Variants in ZFHX3 observed in about 807,000 individuals in gnomAD.
ZFHX3 encodes the protein zinc finger homeobox 3.
A neutral mutation model predicts 279.1 loss-of-function variants in ZFHX3; 42 were observed. The ratio of observed to expected loss-of-function variants is 0.15; its 90% CI spans 0.12 to 0.19. The LOEUF (loss-of-function observed/expected upper bound fraction) is 0.19, where lower values mean the gene tolerates loss of function less well. ZFHX3 is among the 10% of genes least tolerant of loss of function. ZFHX3 has a pLI of 1.00. For synonymous variants in ZFHX3, 2,293 were observed against 1,957.8 expected (o/e 1.17, Z -4.52); for missense variants, 4,981 against 4,754.0 (o/e 1.05, Z -1.40).
rs150499144 is a variant in ZFHX3, at chr16:72,794,528, C to T, written c.8154G>A (p.Ala2718=). The change falls in exon 9 of 10, where the codon GCG becomes GCA. Residue 2718 remains alanine, a synonymous_variant. Coordinates refer to ENST00000268489, the MANE Select transcript of ZFHX3 (RefSeq NM_006885.4). The surrounding 1 kb of genome is among the most constrained non-coding windows in gnomAD (Gnocchi z 4.2). ...QAHRRCPFCR[A]LFKAKTALEA... Reference sequence around the variant, plus strand: ...CAAGAGCAGTCTTGGCTTTGAAGAGCGCTCTGCAAAAAGGGCATCTCCTGT... The same window carrying T: ...CAAGAGCAGTCTTGGCTTTGAAGAGTGCTCTGCAAAAAGGGCATCTCCTGT... 3.5e-5 allele frequency: 56 copies of T among 1,614,066 alleles called. No individual in the cohort carries two copies. Among genetic ancestry groups the T allele is most frequent in the Non-Finnish European group, 4.4e-5 (52 of 1,180,054 alleles).
intron 2 of ZFHX3, among the ~76,000 whole-genome samples, chr16:73,596,363 A>G (rs1366991745): frequency 1.3e-5 from 2 of 152,022 alleles, no homozygotes; most frequent in African/African-American, 4.8e-5. Context: ...AAGACTCCAC[A>G]TGGGAGTTTT....
chr16:73,125,693 C>G (rs1351832657), intron 7 of ZFHX3, among the ~76,000 whole-genome samples: 3 of 152,064 alleles, frequency 2.0e-5, no homozygotes, highest in East Asian at 1.9e-4. Context: ...AGTTTTGGAA[C>G]TTGGACTGGC....
intron 1 of ZFHX3, among the ~76,000 whole-genome samples, chr16:73,725,359 G>A (rs1169377299): frequency 1.3e-5 from 2 of 152,134 alleles, no homozygotes; most frequent in Admixed American, 1.3e-4. Context: ...GACATGTGTC[G>A]GGGCCTGGAG....
intron 5 of ZFHX3, among the ~76,000 whole-genome samples, chr16:73,242,701 C>G (rs887064082): frequency 6.6e-6 from 1 of 152,188 alleles, no homozygotes; most frequent in African/African-American, 2.4e-5. Context: ...AAGCTTATAA[C>G]TGATCATGCA....
chr16:72,817,188 A>G (rs2036633447), intron 5 of ZFHX3, among the ~76,000 whole-genome samples: 1 of 152,256 alleles, frequency 6.6e-6, no homozygotes, highest in South Asian at 2.1e-4. Context: ...CAACATTCAC[A>G]GTCCCTTATA....
At chr16:72,858,231 G>A (rs572023381) in intron 4 of ZFHX3, among the ~76,000 whole-genome samples, 4 of 152,312 alleles carry the variant, frequency 2.6e-5, no homozygotes, top group East Asian at 3.9e-4. Flanking sequence ...CCAAAGCAAC[G>A]AGGCTGACTT....
In ZFHX3 at chr16:73,181,574, C is replaced by T. The variant is rs531498508; in HGVS notation, c.-1103-37743G>A. Among the ~76,000 whole-genome samples, 14 of 152,290 alleles carry T rather than the reference C, an allele frequency of 9.2e-5. No individual in the cohort carries two copies. In the East Asian group the frequency reaches 2.5e-3, roughly 27 times the overall value. On this transcript the variant is annotated intron_variant, in intron 5 of 17. Transcript: ENST00000641206. ...TGGTTCCATTATTCATGAGTAGTCT[C>T]GGGGTTAAATTTTGCCCTTGTAACC...
intron 1 of ZFHX3, among the ~76,000 whole-genome samples, chr16:73,737,283 T>C (rs1043721543): frequency 2.0e-5 from 3 of 152,208 alleles, no homozygotes; most frequent in African/African-American, 4.8e-5. Flanking sequence ...GCAATCTTCC[T>C]GCTTTGGCCT....
chr16:73,085,047 A>G (rs1197616395), intron 8 of ZFHX3, among the ~76,000 whole-genome samples: 1 of 152,144 alleles, frequency 6.6e-6, no homozygotes, highest in Non-Finnish European at 1.5e-5. Flanking sequence ...TAGAAAAAAA[A>G]AGTCCTAGAA....
chr16:73,081,729 CTA>C (rs1170350046), intron 8 of ZFHX3: 1 of 152,094 alleles, frequency 6.6e-6, no homozygotes, highest in Non-Finnish European at 1.5e-5. Context: ...GCAATGGACT[CTA>C]GTGTGCAGAA....
intron 3 of ZFHX3, among the ~76,000 whole-genome samples, chr16:73,357,027 T>C (rs532699376): frequency 2.0e-5 from 3 of 152,072 alleles, no homozygotes; most frequent in South Asian, 2.1e-4. Flanking sequence ...TCAGCTCCAA[T>C]TGGCCATGGT....
intron 8 of ZFHX3, among the ~76,000 whole-genome samples, chr16:73,089,292 C>T (rs1217650989): frequency 2.6e-5 from 4 of 152,016 alleles, no homozygotes; most frequent in African/African-American, 7.2e-5. Flanking sequence ...TTAATAAAGA[C>T]GAGGTTTCAC....
intron 5 of ZFHX3, among the ~76,000 whole-genome samples, chr16:73,154,794 T>C (rs1411128231): frequency 2.6e-5 from 4 of 151,442 alleles, no homozygotes; most frequent in Non-Finnish European, 5.9e-5. Flanking sequence ...GAGGAGATGT[T>C]TGTGGTGAAG....
At chr16:73,380,315 T>C (rs1389277776) in intron 3 of ZFHX3, among the ~76,000 whole-genome samples, 1 of 152,182 alleles carries the variant, frequency 6.6e-6, no homozygotes, top group Non-Finnish European at 1.5e-5. Flanking sequence ...GAATTAGACA[T>C]ATTTACAAGA....
chr16:72,823,260 C>G (rs1163838070), intron 5 of ZFHX3, among the ~76,000 whole-genome samples: 1 of 152,202 alleles, frequency 6.6e-6, no homozygotes, highest in Non-Finnish European at 1.5e-5. Context: ...TCACATGCAT[C>G]CTACTGCAAA....
At position 73,302,520 on chromosome 16, in the gene ZFHX3, G is replaced by A. The variant is rs559205321; in HGVS notation, c.-1194+15720C>T. Among the ~76,000 whole-genome samples, 17 of 152,282 alleles carry A rather than the reference G, an allele frequency of 1.1e-4. 1 individual carries two copies. Among genetic ancestry groups the A allele is most frequent in the South Asian group, 4.1e-4 (2 of 4,826 alleles). ...ACGCTGAGGGATTAGTTGTCCCAAG[G>A]AAAAGCACAGACAGTTGAATAAGAG... is the stretch of plus-strand genomic sequence containing the variant. On this transcript the variant is annotated intron_variant, in intron 4 of 17. Coordinates refer to the ZFHX3 transcript ENST00000641206.
At chr16:73,553,832 C>T (rs1026186804) in intron 2 of ZFHX3, among the ~76,000 whole-genome samples, 2 of 152,114 alleles carry the variant, frequency 1.3e-5, no homozygotes, top group Admixed American at 6.6e-5. Context: ...GTTTCTCCCA[C>T]CTAGGGGGTC....
chr16:72,890,205 A>T (rs567204069), intron 3 of ZFHX3, among the ~76,000 whole-genome samples: 2 of 152,206 alleles, frequency 1.3e-5, no homozygotes, highest in Admixed American at 1.3e-4. Context: ...TGATTAGAAT[A>T]TGGGGGTGGT....
At chr16:73,216,380 C>A (rs1187675827) in intron 5 of ZFHX3, among the ~76,000 whole-genome samples, 1 of 152,212 alleles carries the variant, frequency 6.6e-6, no homozygotes, top group African/African-American at 2.4e-5. Context: ...CCTTCCCCAA[C>A]TGAATTGGTT....
Sources: allele counts gnomAD v4.1 joint callset (sites outside exome capture counted in the v4.1 genomes callset), GRCh38; gene constraint gnomAD v4.1.1; non-coding constraint Gnocchi (gnomAD v3.1); transcripts MANE v1.5; gene names NCBI Gene and HGNC (gene_info 2026-07-23, HGNC 2026-07-21).